The following SPRED1 variants were observed in gnomAD, a reference collection of about 807,000 sequenced individuals.
The protein encoded by SPRED1 is sprouty-related, EVH1 domain-containing protein 1.
A neutral mutation model predicts 52.3 loss-of-function variants in SPRED1; 18 were observed. The observed-to-expected ratio is 0.34, with a 90% confidence interval of 0.24 to 0.51. SPRED1 has a LOEUF of 0.51. SPRED1 is among the 20% of genes least tolerant of loss of function. The probability of loss-of-function intolerance (pLI) is 0.97; values close to 1 mark genes in which losing one functional copy is unlikely to be tolerated. For missense variants in SPRED1, 485 were observed against 551.0 expected (o/e 0.88, Z 1.20); for synonymous variants, 155 against 179.7 (o/e 0.86, Z 1.10).
chr15:38,346,206 A>G (rs539690248), intron 5 of SPRED1, among the ~76,000 whole-genome samples: 1 of 151,984 alleles, frequency 6.6e-6, no homozygotes, highest in African/African-American at 2.4e-5. Context: ...AGTCTCAGCT[A>G]CTCAGGAGTC....
At chr15:38,328,966 C>T (rs994496143) in intron 4 of SPRED1, among the ~76,000 whole-genome samples, 2 of 152,150 alleles carry the variant, frequency 1.3e-5, no homozygotes, top group African/African-American at 2.4e-5. Context: ...TCCACCCACC[C>T]ACCTTGGTCT....
At chr15:38,261,326 G>T (rs1894200310) in intron 1 of SPRED1, among the ~76,000 whole-genome samples, 1 of 152,090 alleles carries the variant, frequency 6.6e-6, no homozygotes, top group Admixed American at 6.5e-5. Flanking sequence ...TGATTTTTTT[G>T]TACTTCTGAA....
chr15:38,259,596 A>G (rs1427378242), intron 1 of SPRED1, among the ~76,000 whole-genome samples: 1 of 152,244 alleles, frequency 6.6e-6, no homozygotes, highest in Non-Finnish European at 1.5e-5. Context: ...TGGATGAATA[A>G]GTAAACAAAG....
Position 38,252,892 on chromosome 15 carries a change from C to G in SPRED1, c.-294C>G. On this transcript the variant is annotated 5_prime_UTR_variant, in exon 1 of 7. Transcript: ENST00000299084. ...GCTCTCCAGTCAGCCTTTGCAGCCCCTCTCTTTTTCCCTTTCCACCGGGCC... is the reference window on the plus strand; with the variant it reads ...GCTCTCCAGTCAGCCTTTGCAGCCCGTCTCTTTTTCCCTTTCCACCGGGCC... The G allele has an allele frequency of 1.9e-6, 1 of 523,330 alleles. No individual in the cohort carries two copies. The highest frequency in any genetic ancestry group is 3.5e-6 in the Non-Finnish European group (1 of 288,844). 32.4% of individuals were successfully genotyped at this position (523,330 alleles called of 1,614,324 possible).
At chr15:38,324,930 T>C (rs1200663876) in intron 4 of SPRED1, 121 bp downstream of exon 4, 11 of 884,292 alleles carry the variant, frequency 1.2e-5, no homozygotes, top group Non-Finnish European at 2.0e-5. Context: ...GTCAGATTTC[T>C]CCAGAAGAAA....
chr15:38,348,696 G>C (rs1164741282), intron 5 of SPRED1, among the ~76,000 whole-genome samples: 1 of 152,072 alleles, frequency 6.6e-6, no homozygotes, highest in South Asian at 2.1e-4. Context: ...CCAAAATGTT[G>C]ATGATAAGTG....
chr15:38,282,016 G>A (rs992945519), intron 1 of SPRED1, among the ~76,000 whole-genome samples: 3 of 152,034 alleles, frequency 2.0e-5, no homozygotes, highest in African/African-American at 7.2e-5. Context: ...GAGTGAAAAA[G>A]CTTTACTTGT....
At chr15:38,301,767 T>C (rs1190792905) in intron 2 of SPRED1, among the ~76,000 whole-genome samples, 1 of 152,340 alleles carries the variant, frequency 6.6e-6, no homozygotes, top group East Asian at 1.9e-4. Flanking sequence ...GTTTACAATA[T>C]CACTGCATTT....
Position 38,351,301 on chromosome 15 carries a change from A to G in SPRED1, c.972A>G (p.Lys324=), listed in dbSNP as rs1480664597. 1.2e-6 allele frequency: 2 copies of G among 1,614,120 alleles called. No individual in the cohort carries two copies. Among genetic ancestry groups the G allele is most frequent in the Non-Finnish European group, 1.7e-6 (2 of 1,180,010 alleles). The change falls in exon 7 of 7, where the codon AAA becomes AAG. Residue 324 remains lysine, a synonymous_variant. Transcript: ENST00000299084. Reference sequence around the variant, plus strand: ...CCTCATTAAAAATTAAGAAGTCAAAACGAAGAAAAGAGGATGGTGAACGTT... The same window carrying G: ...CCTCATTAAAAATTAAGAAGTCAAAGCGAAGAAAAGAGGATGGTGAACGTT... ...QPSSLKIKKS[K]RRKEDGERSR...
chr15:38,286,226 CAAAAA>C (rs368405955), intron 1 of SPRED1, among the ~76,000 whole-genome samples: 1 of 89,594 alleles, frequency 1.1e-5, no homozygotes, highest in African/African-American at 4.3e-5. Flanking sequence ...ACTCCAGCCT[CAAAAA>C]AAAAAAAAAA....
intron 4 of SPRED1, among the ~76,000 whole-genome samples, chr15:38,334,919 A>G (rs1456953853): frequency 3.3e-5 from 5 of 151,902 alleles, no homozygotes; most frequent in African/African-American, 1.2e-4. Flanking sequence ...GCCATTATCA[A>G]ATTGCACTCT....
rs1888574901 is a variant in SPRED1, at chr15:38,354,776, G to A, written c.*3112G>A. On this transcript the variant is annotated 3_prime_UTR_variant, in exon 7 of 7. Transcript: ENST00000299084. The stretch of plus-strand genomic sequence containing the variant: ...TTTGGGACTGGCAATCAAACTTAAT[G>A]GATGTACTGAGGCATTTATAGAACC... 1 of 152,092 alleles carries A rather than the reference G, an allele frequency of 6.6e-6. No individual in the cohort carries two copies. Among genetic ancestry groups the A allele is most frequent in the Non-Finnish European group, 1.5e-5 (1 of 68,026 alleles). The allele number at this position is 152,092 out of a possible 1,614,324, so 9.4% of individuals were successfully genotyped here.
At chr15:38,293,873 C>T (rs951009388) in intron 1 of SPRED1, among the ~76,000 whole-genome samples, 5 of 151,992 alleles carry the variant, frequency 3.3e-5, no homozygotes, top group Admixed American at 6.6e-5. Flanking sequence ...TTTTATCTAC[C>T]TGATATACTG....
Position 38,322,360 on chromosome 15 carries a change from T to C in SPRED1, c.327T>C (p.Ala109=). The change falls in exon 3 of 7, where the codon GCT becomes GCC. Residue 109 remains alanine (A), a synonymous_variant. Coordinates refer to ENST00000299084, the MANE Select transcript of SPRED1 (RefSeq NM_152594.3). ...FGLTFQSPAD[A]RAFDRGIRRA... ...TTACGTTTCAAAGTCCTGCTGATGC[T>C]AGGGCTTTTGATAGAGGTATCCGAA... is the stretch of plus-strand genomic sequence containing the variant. 1 of 1,613,900 alleles carries C rather than the reference T, an allele frequency of 6.2e-7. No homozygotes were observed. The highest frequency in any genetic ancestry group is 8.5e-7 in the Non-Finnish European group (1 of 1,179,872).
intron 1 of SPRED1, among the ~76,000 whole-genome samples, chr15:38,268,882 C>A (rs1894367426): frequency 6.6e-6 from 1 of 151,614 alleles, no homozygotes; most frequent in Admixed American, 6.6e-5. Context: ...TCTTTGAAAT[C>A]ATCAGATTAT....
intron 2 of SPRED1, among the ~76,000 whole-genome samples, chr15:38,307,901 C>T (rs1488834311): frequency 6.6e-6 from 1 of 152,028 alleles, no homozygotes; most frequent in African/African-American, 2.4e-5. Flanking sequence ...AAAAATGTGG[C>T]AAGGGGCTAT....
chr15:38,343,601 G>A (rs997617113), intron 5 of SPRED1, among the ~76,000 whole-genome samples: 2 of 151,908 alleles, frequency 1.3e-5, no homozygotes, highest in African/African-American at 4.8e-5. Flanking sequence ...AGTAGAGAGA[G>A]AACAAAAAAA....
At chr15:38,276,644 A>C (rs1894559963) in intron 1 of SPRED1, among the ~76,000 whole-genome samples, 1 of 152,166 alleles carries the variant, frequency 6.6e-6, no homozygotes, top group Non-Finnish European at 1.5e-5. Context: ...ATTTAAATCT[A>C]ATTTTTATGC....
chr15:38,331,406 C>T (rs1895804269), intron 4 of SPRED1, among the ~76,000 whole-genome samples: 1 of 151,606 alleles, frequency 6.6e-6, no homozygotes, highest in South Asian at 2.1e-4. Context: ...GTTCATGTTT[C>T]CATAGTAATT....
Sources: gnomAD v4.1 joint callset for allele counts (sites outside exome capture counted in the v4.1 genomes callset) on GRCh38, gnomAD v4.1.1 for gene constraint, MANE v1.5 for transcripts, NCBI Gene and HGNC (gene_info 2026-07-23, HGNC 2026-07-21) for gene names.